Variants in HNRNPF observed in about 807,000 individuals in gnomAD.
HNRNPF encodes the protein heterogeneous nuclear ribonucleoprotein F.
Under a neutral mutation model 26.0 loss-of-function variants are expected in HNRNPF, and 2 were observed. The ratio of observed to expected loss-of-function variants is 0.08; its 90% CI spans 0.03 to 0.24. HNRNPF has a LOEUF of 0.24. HNRNPF is among the 10% of genes least tolerant of loss of function. HNRNPF has a pLI of 1.00. For synonymous variants in HNRNPF, 234 were observed against 211.5 expected, an observed-to-expected ratio of 1.11 and a Z score of -0.92; for missense variants, 299 against 539.2, an observed-to-expected ratio of 0.55 and a Z score of 4.41.
chr10:43,397,672 A>G (rs1838601806), intron 1 of HNRNPF, among the ~76,000 whole-genome samples: 1 of 152,248 alleles, frequency 6.6e-6, no homozygotes, highest in African/African-American at 2.4e-5. Flanking sequence ...TTTTTAACGC[A>G]ATTCCTAAAC....
intron 1 of HNRNPF, among the ~76,000 whole-genome samples, chr10:43,397,522 T>A (rs1838594024): frequency 6.6e-6 from 1 of 151,898 alleles, no homozygotes; most frequent in Non-Finnish European, 1.5e-5. Context: ...CAGTGCAGAG[T>A]GGAAGAGAAG....
intron 1 of HNRNPF, chr10:43,397,087 C>G (rs11238535): frequency 6.6e-6 from 1 of 151,380 alleles, no homozygotes; most frequent in Admixed American, 6.6e-5. Flanking sequence ...GCTCGTAGGT[C>G]TGCGTCCGTC....
chr10:43,386,480 G>A lies in HNRNPF; in HGVS notation c.*157C>T. On this transcript the variant is annotated 3_prime_UTR_variant, in exon 4 of 4. Transcript: ENST00000682386. ...TTATCACATGCTAGAAGAAAATTTT[G>A]CATGAGAAAACACTGAAGAGGTAAT... The A allele has an allele frequency of 1.5e-6, 1 of 659,618 alleles. No individual in the cohort carries two copies. The highest frequency in any genetic ancestry group is 2.7e-5 in the East Asian group (1 of 37,006). The allele number at this position is 659,618 out of a possible 1,614,324, so 40.9% of individuals were successfully genotyped here. A position where few individuals can be genotyped will look rare whatever the true frequency, so the allele number is the denominator to read the frequency against.
At chr10:43,393,905 T>C (rs1838356018) in intron 3 of HNRNPF, among the ~76,000 whole-genome samples, 1 of 152,240 alleles carries the variant, frequency 6.6e-6, no homozygotes, top group South Asian at 2.1e-4. Context: ...AAATATACTC[T>C]GTTCAACCTT....
intron 1 of HNRNPF, among the ~76,000 whole-genome samples, chr10:43,404,686 C>G (rs867508098): frequency 6.6e-6 from 1 of 151,994 alleles, no homozygotes; most frequent in African/African-American, 2.4e-5. Flanking sequence ...GTTGATACTC[C>G]GTCTCTACTA....
At chr10:43,388,483 T>C (rs1838118096) in intron 3 of HNRNPF, among the ~76,000 whole-genome samples, 1 of 152,212 alleles carries the variant, frequency 6.6e-6, no homozygotes, top group Admixed American at 6.5e-5. Context: ...GCTTCCACTG[T>C]CTATGGAGTT....
intron 2 of HNRNPF, among the ~76,000 whole-genome samples, chr10:43,396,022 G>A (rs1056893587): frequency 2.6e-5 from 4 of 151,732 alleles, no homozygotes; most frequent in African/African-American, 7.2e-5. Context: ...GAGCTTGCAC[G>A]GGGGCCACCT....
At chr10:43,399,866 A>T (rs55784732) in intron 1 of HNRNPF, among the ~76,000 whole-genome samples, 16,841 of 152,194 alleles carry the variant, frequency 0.11, 954 homozygotes, top group Non-Finnish European at 0.12. Context: ...AAATCAAGAA[A>T]TGTACAAATA....
intron 2 of HNRNPF, among the ~76,000 whole-genome samples, chr10:43,396,255 T>A (rs866025871): frequency 6.6e-6 from 1 of 152,220 alleles, no homozygotes; most frequent in African/African-American, 2.4e-5. Flanking sequence ...CACCTCGTTT[T>A]CTTTTGTTCA....
intron 3 of HNRNPF, among the ~76,000 whole-genome samples, chr10:43,391,935 T>C (rs933728410): frequency 2.0e-5 from 3 of 152,010 alleles, no homozygotes; most frequent in African/African-American, 7.3e-5. Flanking sequence ...TCACTTCCAC[T>C]CCCCTCCATT....
intron 3 of HNRNPF, among the ~76,000 whole-genome samples, chr10:43,389,316 G>A (rs1378719615): frequency 6.6e-6 from 1 of 152,084 alleles, no homozygotes; most frequent in Non-Finnish European, 1.5e-5. Context: ...AAGCATAATA[G>A]ATATAGCTGG....
intron 2 of HNRNPF, among the ~76,000 whole-genome samples, chr10:43,395,541 G>A (rs1195492092): frequency 6.6e-6 from 1 of 152,150 alleles, no homozygotes; most frequent in Non-Finnish European, 1.5e-5. Flanking sequence ...AATCAAATCT[G>A]CCTTGTCTTG....
chr10:43,389,236 T>C (rs1838150273), intron 3 of HNRNPF, among the ~76,000 whole-genome samples: 1 of 152,154 alleles, frequency 6.6e-6, no homozygotes, highest in African/African-American at 2.4e-5. Context: ...CTGCCCAAAG[T>C]GCTGGAATTA....
intron 3 of HNRNPF, among the ~76,000 whole-genome samples, chr10:43,393,146 G>A (rs1838320045): frequency 6.6e-6 from 1 of 152,124 alleles, no homozygotes; most frequent in South Asian, 2.1e-4. Flanking sequence ...TTCCTAACAC[G>A]TTGAATGGCA....
chr10:43,387,732 G>C lies in HNRNPF; in HGVS notation c.153C>G (p.Gly51=), dbSNP rs189768022. The C allele has an allele frequency of 1.9e-6, 3 of 1,614,014 alleles. No homozygotes were observed. The highest frequency in any genetic ancestry group is 2.7e-5 in the African/African-American group (2 of 74,978). ...AGVHFIYTRE[G]RQSGEAFVEL... ...CAACAAAAGCCTCACCACTCTGCCTGCCCTCTCTAGTGTAGATGAAATGGA... is the reference window on the plus strand; with the variant it reads ...CAACAAAAGCCTCACCACTCTGCCTCCCCTCTCTAGTGTAGATGAAATGGA... The change falls in exon 4 of 4, where the codon GGC becomes GGG. Residue 51 remains glycine, a synonymous_variant. Coordinates refer to ENST00000682386, the MANE Select transcript of HNRNPF (RefSeq NM_001098204.2). The surrounding 1 kb of genome is among the most constrained non-coding windows in gnomAD (Gnocchi z 6.0).
rs556540837 is a variant in HNRNPF at position 43,387,896 on chromosome 10, A to G, written c.-12T>C. 9 of 1,588,116 alleles carry G rather than the reference A, an allele frequency of 5.7e-6. No individual in the cohort carries two copies. The Admixed American group carries it at 8.5e-5, about 15-fold the overall frequency. The stretch of plus-strand genomic sequence containing the variant: ...GGGCCCAGCATCATGGACACTTGTC[A>G]GGGTGGGTGTCAGGTGATCTTGGGT... On this transcript the variant is annotated 5_prime_UTR_variant, in exon 4 of 4. Transcript: ENST00000682386. This position sits in a 1 kb window ranked among gnomAD's most constrained non-coding sequence, Gnocchi z 6.0.
intron 2 of HNRNPF, among the ~76,000 whole-genome samples, chr10:43,395,760 TA>T (rs1242351722): frequency 6.6e-6 from 1 of 152,194 alleles, no homozygotes; most frequent in African/African-American, 2.4e-5. Flanking sequence ...TGCCCTTGTT[TA>T]TCCCTGCGTG....
At chr10:43,396,252 T>G (rs998040569) in intron 2 of HNRNPF, among the ~76,000 whole-genome samples, 1 of 152,096 alleles carries the variant, frequency 6.6e-6, no homozygotes, top group African/African-American at 2.4e-5. Flanking sequence ...ACCCACCTCG[T>G]TTTCTTTTGT....
intron 1 of HNRNPF, among the ~76,000 whole-genome samples, chr10:43,405,777 C>T (rs1468598748): frequency 1.3e-5 from 2 of 152,096 alleles, no homozygotes; most frequent in African/African-American, 4.8e-5. Flanking sequence ...AGAAATACTG[C>T]GGATTTATTT....
Sources: gnomAD v4.1 joint callset for allele counts (sites outside exome capture counted in the v4.1 genomes callset) on GRCh38, gnomAD v4.1.1 for gene constraint, Gnocchi (gnomAD v3.1) non-coding constraint, MANE v1.5 for transcripts, NCBI Gene and HGNC (gene_info 2026-07-23, HGNC 2026-07-21) for gene names.